PIP5K1A: variants seen among roughly 807,000 people sequenced by gnomAD.
PIP5K1A encodes the protein phosphatidylinositol-4-phosphate 5-kinase type 1 alpha.
A neutral mutation model predicts 72.9 loss-of-function variants in PIP5K1A; 46 were observed. The observed-to-expected ratio is 0.63, with a 90% CI of 0.50 to 0.81. PIP5K1A has a LOEUF of 0.81. Ranked by LOEUF, PIP5K1A falls within the 30% of genes least tolerant of loss-of-function variation. The probability of loss-of-function intolerance (pLI) is 0.00; values close to 1 mark genes in which losing one functional copy is unlikely to be tolerated. For missense variants in PIP5K1A, 458 were observed against 706.1 expected, an observed-to-expected ratio of 0.65 and a Z score of 3.98; for synonymous variants, 228 against 255.1, an observed-to-expected ratio of 0.89 and a Z score of 1.01.
chr1:151,236,428 A>T, intron 8 of PIP5K1A, 130 bp from the exon 9 acceptor site: 1 of 628,852 alleles, frequency 1.6e-6, no homozygotes, highest in Admixed American at 2.9e-5. Context: ...GTGAGCCGAG[A>T]TCACACCACT....
At chr1:151,245,030 G>A (rs1293856458) in intron 14 of PIP5K1A, among the ~76,000 whole-genome samples, 2 of 150,868 alleles carry the variant, frequency 1.3e-5, no homozygotes, top group South Asian at 2.1e-4. Flanking sequence ...GTGAGCCACC[G>A]TATGTGGCCT....
intron 1 of PIP5K1A, among the ~76,000 whole-genome samples, chr1:151,203,804 C>G (rs1685546450): frequency 1.4e-5 from 2 of 143,042 alleles, no homozygotes; most frequent in Non-Finnish European, 3.0e-5. Context: ...ATCCTGGAGA[C>G]AGAGTGAGAC....
intron 3 of PIP5K1A, among the ~76,000 whole-genome samples, chr1:151,225,912 G>C (rs1462794496): frequency 2.0e-5 from 3 of 151,500 alleles, no homozygotes; most frequent in Non-Finnish European, 4.4e-5. Flanking sequence ...GAGTAGCTGG[G>C]ATTAGAGATG....
At position 151,247,154 on chromosome 1, in the gene PIP5K1A, G is replaced by A. The variant is rs191877005; in HGVS notation, c.1686+189G>A. On this transcript the variant is annotated intron_variant, in intron 15 of 15. Coordinates refer to ENST00000368888, the MANE Select transcript of PIP5K1A (RefSeq NM_001135638.2). ...TTTATTTATTTATTTTTGAGATGGC[G>A]TCTCACTCTGTTGCCCAGGCTGGAG... 1.0e-3 allele frequency among the ~76,000 whole-genome samples: 153 copies of A among 151,576 alleles called. No individual in the cohort carries two copies. The Middle Eastern group carries it at 0.01, about 10-fold the overall frequency.
intron 1 of PIP5K1A, among the ~76,000 whole-genome samples, chr1:151,203,882 G>A (rs1685560896): frequency 6.6e-6 from 1 of 151,816 alleles, no homozygotes; most frequent in Admixed American, 6.6e-5. Context: ...GAGCTGTGTA[G>A]TTCCTTTTGC....
In PIP5K1A at chr1:151,232,589, C is replaced by A; in HGVS notation, c.525C>A (p.Ser175Arg). 6.2e-7 allele frequency: 1 copy of A among 1,610,066 alleles called. No homozygotes were observed. The highest frequency in any genetic ancestry group is 8.5e-7 in the Non-Finnish European group (1 of 1,178,958). The change falls in exon 7 of 16, where the codon AGC becomes AGA. Residue 175 changes from serine (S) to arginine (R), a missense_variant. By Grantham distance (110) the Ser-to-Arg change is moderately radical. Around this residue, in one of 3 missense-constraint regions of PIP5K1A, gnomAD observed 220 missense variants for 442.6 expected, o/e 0.50. Coordinates refer to ENST00000368888, the MANE Select transcript of PIP5K1A (RefSeq NM_001135638.2). ...LCSEPLIELC[S>R]SGASGSLFYV... ...GTGAGCCGCTGATTGAACTCTGTAG[C>A]TCTGGAGCTAGTGGTTCCCTATTCT...
Position 151,231,807 on chromosome 1 carries a change from GAGTTTA to G in PIP5K1A, c.368+8_368+13del. 1 of 1,613,876 alleles carries G rather than the reference GAGTTTA, an allele frequency of 6.2e-7. No homozygotes were observed. The highest frequency in any genetic ancestry group is 8.5e-7 in the Non-Finnish European group (1 of 1,179,804). ...GAGAGTATCTTCTTTCCCAGGTACAGAGTTTAATGTTCAGGAGCATGTCCTGGAAAT... is the reference window on the plus strand; with the variant it reads ...GAGAGTATCTTCTTTCCCAGGTACAGATGTTCAGGAGCATGTCCTGGAAAT... On this transcript the variant is annotated splice_region_variant and intron_variant, in intron 5 of 15. Transcript: ENST00000368888.
At chr1:151,216,777 T>C (rs587774599) in intron 1 of PIP5K1A, among the ~76,000 whole-genome samples, 273 of 152,340 alleles carry the variant, frequency 1.8e-3, no homozygotes, top group South Asian at 7.9e-3. Flanking sequence ...ATACGTAACT[T>C]GTTGAATTCT....
At chr1:151,200,308 A>T (rs980466217) in intron 1 of PIP5K1A, among the ~76,000 whole-genome samples, 2 of 151,538 alleles carry the variant, frequency 1.3e-5, no homozygotes, top group African/African-American at 2.4e-5. Context: ...TAATGTAGAG[A>T]GCTCAGCGTA....
intron 1 of PIP5K1A, among the ~76,000 whole-genome samples, chr1:151,212,522 G>C (rs1686965988): frequency 1.3e-5 from 2 of 151,990 alleles, no homozygotes; most frequent in South Asian, 4.1e-4. Flanking sequence ...GCTTCCTTAG[G>C]ACTGGTACAG....
chr1:151,242,542 G>C lies in PIP5K1A; in HGVS notation c.1615G>C (p.Glu539Gln), dbSNP rs1387941787. ...PDPSFSPLVG[E>Q]TLQMLTTSTT... ...CCCCAGTTTCTCACCTCTAGTTGGA[G>C]AGACTTTGCAAATGCTAACTACAAG... Residue 539 changes from glutamate to glutamine, a missense_variant, in exon 14 of 16, where the codon GAG becomes CAG. Glu to Gln is a conservative substitution (Grantham distance 29). Coordinates refer to ENST00000368888, the MANE Select transcript of PIP5K1A (RefSeq NM_001135638.2). 6.2e-7 allele frequency: 1 copy of C among 1,614,054 alleles called. No homozygotes were observed. The highest frequency in any genetic ancestry group is 2.2e-5 in the East Asian group (1 of 44,884).
At chr1:151,223,370 G>A (rs1439289122) in intron 1 of PIP5K1A, among the ~76,000 whole-genome samples, 1 of 151,476 alleles carries the variant, frequency 6.6e-6, no homozygotes, top group Non-Finnish European at 1.5e-5. Flanking sequence ...AAAAGGCCGG[G>A]TGTGGTGGCT....
At chr1:151,245,159 A>G (rs1269618469) in intron 14 of PIP5K1A, among the ~76,000 whole-genome samples, 1 of 152,038 alleles carries the variant, frequency 6.6e-6, no homozygotes, top group African/African-American at 2.4e-5. Flanking sequence ...CTTCTCCTAT[A>G]TTTTATTATA....
chr1:151,244,581 C>T (rs973790992), intron 14 of PIP5K1A, among the ~76,000 whole-genome samples: 1 of 152,108 alleles, frequency 6.6e-6, no homozygotes, highest in Non-Finnish European at 1.5e-5. Flanking sequence ...GCTCGAACCC[C>T]GGAGGCAGTG....
chr1:151,224,978 T>G (rs758415422), intron 3 of PIP5K1A, among the ~76,000 whole-genome samples: 1 of 152,172 alleles, frequency 6.6e-6, no homozygotes, highest in African/African-American at 2.4e-5. Context: ...GGTGATATAC[T>G]GAGAGTTTTC....
At position 151,248,089 on chromosome 1, in the gene PIP5K1A, A is replaced by G; in HGVS notation, c.*224A>G. The G allele has an allele frequency of 1.8e-6, 1 of 544,218 alleles. No homozygotes were observed. The highest frequency in any genetic ancestry group is 3.3e-6 in the Non-Finnish European group (1 of 305,806). The allele number at this position is 544,218 out of a possible 1,614,324, so 33.7% of individuals were successfully genotyped here. A position where few individuals can be genotyped will look rare whatever the true frequency, so the allele number is the denominator to read the frequency against. On this transcript the variant is annotated 3_prime_UTR_variant, in exon 16 of 16. Coordinates refer to ENST00000368888, the MANE Select transcript of PIP5K1A (RefSeq NM_001135638.2). ...AGTGCCTCAGAGAGTTGAGGACCGCAGCATCCCCTCCACTCCAGAGTTGGG... is the reference window on the plus strand; with the variant it reads ...AGTGCCTCAGAGAGTTGAGGACCGCGGCATCCCCTCCACTCCAGAGTTGGG...
At chr1:151,198,156 G>A (rs770414697), upstream of PIP5K1A, 3 of 465,790 alleles carry the variant, frequency 6.4e-6, no homozygotes, top group South Asian at 3.1e-5. Flanking sequence ...TAGTAAACAA[G>A]AGTAGTAAAA....
intron 11 of PIP5K1A, 61 bp from the exon 12 acceptor site, chr1:151,239,894 C>T (rs971433151): frequency 4.9e-5 from 59 of 1,210,998 alleles, no homozygotes; most frequent in Admixed American, 1.3e-4. Flanking sequence ...GAAGATGGCC[C>T]TTGGACTAGA....
Position 151,242,598 on chromosome 1 carries a change from T to G in PIP5K1A, c.1640+31T>G, listed in dbSNP as rs370992513. On this transcript the variant is annotated intron_variant, in intron 14 of 15. Transcript: ENST00000368888. The stretch of plus-strand genomic sequence containing the variant: ...TTTATTGGCCCCTTTCTCCATATAA[T>G]CTTATCTCTCTTTTCAAGTCCTTGG... 1.9e-6 allele frequency: 3 copies of G among 1,588,896 alleles called. No homozygotes were observed. The African/African-American group carries it at 4.1e-5, about 21-fold the overall frequency.
Sources: allele counts gnomAD v4.1 joint callset (sites outside exome capture counted in the v4.1 genomes callset), GRCh38; gene constraint gnomAD v4.1.1; regional missense constraint gnomAD v4.1.1; transcripts MANE v1.5; gene names NCBI Gene and HGNC (gene_info 2026-07-23, HGNC 2026-07-21).